CFAP44: variants seen among roughly 807,000 people sequenced by gnomAD.
The protein encoded by CFAP44 is cilia- and flagella-associated protein 44.
CFAP44 carries 134 observed loss-of-function variants against 216.2 expected under a neutral mutation model. The ratio of observed to expected loss-of-function variants is 0.62; its 90% confidence interval spans 0.54 to 0.72. The LOEUF (loss-of-function observed/expected upper bound fraction) is 0.72. CFAP44 is among the 30% of genes least tolerant of loss of function. The pLI is 0.00. For synonymous variants in CFAP44, 700 were observed against 727.6 expected, an observed-to-expected ratio of 0.96 and a Z score of 0.61; for missense variants, 2,035 against 2,182.1, an observed-to-expected ratio of 0.93 and a Z score of 1.34.
chr3:113,405,255 T>A (rs1298765008), intron 8 of CFAP44, among the ~76,000 whole-genome samples: 2 of 152,192 alleles, frequency 1.3e-5, no homozygotes, highest in African/African-American at 4.8e-5. Flanking sequence ...CCTCAGCCAT[T>A]TATGGTAGAG....
At position 113,320,473 on chromosome 3, in the gene CFAP44, G is replaced by C. The variant is rs1192114046; in HGVS notation, c.4516+5972C>G. ...TATATTACATCTATATATCATATAT[G>C]ATATATATGATATATAGATGTAATA... On this transcript the variant is annotated intron_variant, in intron 28 of 34. Coordinates refer to ENST00000393845, the MANE Select transcript of CFAP44 (RefSeq NM_001164496.2). Among the ~76,000 whole-genome samples, 5 of 84,656 alleles carry C rather than the reference G, an allele frequency of 5.9e-5. No homozygotes were observed. In the South Asian group the frequency reaches 1.2e-3, roughly 21 times the overall value. 55.5% of individuals were successfully genotyped at this position (84,656 alleles called of 152,430 possible). A position where few individuals can be genotyped will look rare whatever the true frequency, so the allele number is the denominator to read the frequency against.
chr3:113,346,127 A>C (rs1284167109), intron 22 of CFAP44, among the ~76,000 whole-genome samples: 1 of 152,202 alleles, frequency 6.6e-6, no homozygotes, highest in Non-Finnish European at 1.5e-5. Flanking sequence ...TGTCTAGCTA[A>C]AGGATTGTAA....
At chr3:113,396,014 T>C (rs1030194834) in intron 14 of CFAP44, among the ~76,000 whole-genome samples, 154 bp from the exon 15 acceptor site, 1 of 152,212 alleles carries the variant, frequency 6.6e-6, no homozygotes, top group Non-Finnish European at 1.5e-5. Flanking sequence ...TAAAACTTGC[T>C]CAATTTTCCC....
chr3:113,353,432 G>C, intron 22 of CFAP44, among the ~76,000 whole-genome samples: 1 of 146,544 alleles, frequency 6.8e-6, no homozygotes. Flanking sequence ...TTGCGAGTTA[G>C]GATTCATATA....
intron 28 of CFAP44, among the ~76,000 whole-genome samples, chr3:113,325,999 T>A (rs779162876): frequency 1.3e-5 from 2 of 152,098 alleles, no homozygotes; most frequent in African/African-American, 2.4e-5. Flanking sequence ...AAAGGCAAGC[T>A]ACGCACTAGG....
At chr3:113,354,686 T>C (rs1950478112) in intron 22 of CFAP44, among the ~76,000 whole-genome samples, 1 of 152,162 alleles carries the variant, frequency 6.6e-6, no homozygotes, top group Non-Finnish European at 1.5e-5. Context: ...CCCCACCTGG[T>C]GGTCTTTCTC....
intron 26 of CFAP44, among the ~76,000 whole-genome samples, chr3:113,328,696 T>TAAAAAAAAA (rs58650082): frequency 2.5e-4 from 7 of 28,550 alleles, no homozygotes; most frequent in African/African-American, 5.8e-4. Context: ...TTAGAGAGCT[T>TAAAAAAAAA]AAAAAAAAAA....
intron 15 of CFAP44, among the ~76,000 whole-genome samples, chr3:113,386,563 C>A (rs755812639): frequency 5.9e-5 from 9 of 152,144 alleles, no homozygotes; most frequent in Non-Finnish European, 1.0e-4. Context: ...GTTGTACAAT[C>A]AATAAGTCTT....
chr3:113,348,205 G>T (rs1950408076), intron 22 of CFAP44, among the ~76,000 whole-genome samples: 1 of 152,018 alleles, frequency 6.6e-6, no homozygotes, highest in Non-Finnish European at 1.5e-5. Flanking sequence ...GGGTCGGGGG[G>T]AAGTAAACAA....
At chr3:113,402,293 C>T (rs563877968) in intron 9 of CFAP44, among the ~76,000 whole-genome samples, 2 of 152,244 alleles carry the variant, frequency 1.3e-5, no homozygotes, top group Admixed American at 1.3e-4. Flanking sequence ...TGGCATTTCC[C>T]CAAGTGCATA....
chr3:113,372,523 G>A (rs1380205623), intron 18 of CFAP44, among the ~76,000 whole-genome samples: 2 of 152,130 alleles, frequency 1.3e-5, no homozygotes, highest in Non-Finnish European at 2.9e-5. Context: ...GGTGGGAATT[G>A]AACAATGAGA....
Position 113,420,058 on chromosome 3 carries a change from A to G in CFAP44, c.529T>C (p.Tyr177His), listed in dbSNP as rs1934770655. The G allele has an allele frequency of 6.2e-7, 1 of 1,613,878 alleles. No homozygotes were observed. The highest frequency in any genetic ancestry group is 2.2e-5 in the East Asian group (1 of 44,866). Residue 177 changes from tyrosine (Y) to histidine (H), a missense_variant, in exon 5 of 35, where the codon TAC (tyrosine) becomes CAC (histidine). Tyr to His is a moderately conservative substitution (Grantham distance 83). This residue lies in a region of CFAP44 where 1,883 missense variants were observed against 2,023.7 expected (regional missense o/e 0.93). Transcript: ENST00000393845. ...CCTTCACCACTGCTACTTCGCAGGT[A>G]GATCTGTTCCTTGGTTTTCAAATTC... Reference protein sequence around the residue: ...FLNLKTKEQIYLRSSSGEGIG... With the variant: ...FLNLKTKEQIHLRSSSGEGIG...
chr3:113,396,120 C>T (rs1933983834), intron 14 of CFAP44, among the ~76,000 whole-genome samples: 2 of 152,144 alleles, frequency 1.3e-5, no homozygotes, highest in Admixed American at 1.3e-4. Flanking sequence ...TTATACCATG[C>T]ATATGCTCAC....
At chr3:113,323,068 C>A (rs1406909559) in intron 28 of CFAP44, among the ~76,000 whole-genome samples, 6 of 152,154 alleles carry the variant, frequency 3.9e-5, no homozygotes, top group Non-Finnish European at 7.4e-5. Context: ...ATGAGGGTAA[C>A]CACTCCCATG....
intron 1 of CFAP44, among the ~76,000 whole-genome samples, chr3:113,438,402 T>A (rs1935284426): frequency 6.6e-6 from 1 of 152,218 alleles, no homozygotes; most frequent in Admixed American, 6.5e-5. Flanking sequence ...GCTCATCCTC[T>A]TCCTGGTTGT....
intron 1 of CFAP44, among the ~76,000 whole-genome samples, chr3:113,436,906 T>A (rs1935252741): frequency 6.6e-6 from 1 of 152,230 alleles, no homozygotes. Context: ...ATTTCATGGT[T>A]TTGTGAGTCA....
In CFAP44 at chr3:113,368,487, A is replaced by G. The variant is rs187160037; in HGVS notation, c.2445-2178T>C. ...AACACAGAATTTCATATCCAGTCAA[A>G]CTAAGCTTCATCAGTGAAGGAGAAA... On this transcript the variant is annotated intron_variant, in intron 18 of 34. Coordinates refer to ENST00000393845, the MANE Select transcript of CFAP44 (RefSeq NM_001164496.2). Among the ~76,000 whole-genome samples, 10 of 152,328 alleles carry G rather than the reference A, an allele frequency of 6.6e-5. No individual in the cohort carries two copies. The East Asian group carries it at 1.9e-3, about 29-fold the overall frequency.
intron 2 of CFAP44, 104 bp from the exon 3 acceptor site, chr3:113,427,443 C>T: frequency 1.0e-5 from 8 of 771,440 alleles, no homozygotes; most frequent in Non-Finnish European, 1.6e-5. Flanking sequence ...TGTAATAAAT[C>T]TAATACATAC....
intron 5 of CFAP44, among the ~76,000 whole-genome samples, 178 bp from the exon 6 acceptor site, chr3:113,416,805 A>G (rs1217281538): frequency 6.6e-6 from 1 of 152,232 alleles, no homozygotes; most frequent in Non-Finnish European, 1.5e-5. Flanking sequence ...ACTGAAAACT[A>G]GAAGAATACA....
Sources: gnomAD v4.1 joint callset for allele counts (sites outside exome capture counted in the v4.1 genomes callset) on GRCh38, gnomAD v4.1.1 for gene constraint, gnomAD v4.1.1 regional missense constraint, MANE v1.5 for transcripts, NCBI Gene and HGNC (gene_info 2026-07-23, HGNC 2026-07-21) for gene names.